COG4: variants seen among roughly 807,000 people sequenced by gnomAD.
COG4 encodes conserved oligomeric Golgi complex subunit 4.
Under a neutral mutation model 95.1 loss-of-function variants are expected in COG4, and 65 were observed. The observed-to-expected ratio is 0.68, with a 90% confidence interval of 0.56 to 0.84. The LOEUF (loss-of-function observed/expected upper bound fraction) is 0.84. COG4 is among the 40% of genes least tolerant of loss of function. The pLI is 0.00. For missense variants in COG4, 1,045 were observed against 989.1 expected (o/e 1.06, Z -0.76); for synonymous variants, 421 against 374.8 (o/e 1.12, Z -1.42).
At chr16:70,501,887 G>T (rs1260968935) in intron 8 of COG4, among the ~76,000 whole-genome samples, 1 of 151,306 alleles carries the variant, frequency 6.6e-6, no homozygotes, top group Non-Finnish European at 1.5e-5. Context: ...GGCTAGGCCA[G>T]TCTCGAACTC....
intron 8 of COG4, among the ~76,000 whole-genome samples, chr16:70,505,122 A>G (rs1026888772): frequency 2.6e-5 from 4 of 151,808 alleles, no homozygotes; most frequent in African/African-American, 9.7e-5. Flanking sequence ...TTGTTGCCAT[A>G]TCAAGGACTA....
In COG4 at chr16:70,490,367, CAG is replaced by C. The variant is rs781465536; in HGVS notation, c.1671_1672del (p.Cys558GlnfsTer2). On this transcript the variant is annotated frameshift_variant, in exon 13 of 19. Coordinates refer to ENST00000323786, the MANE Select transcript of COG4 (RefSeq NM_015386.3). LOFTEE classifies it high-confidence loss of function. ...CTTCAGAGTGGAGATGTTTTCACTG[CAG>C]ACTTCCACGTTGTTCAGAGTCACCT... 1 of 1,613,888 alleles carries C rather than the reference CAG, an allele frequency of 6.2e-7. No individual in the cohort carries two copies. The highest frequency in any genetic ancestry group is 1.1e-5 in the South Asian group (1 of 91,084).
In COG4 at chr16:70,512,231, G is replaced by C. The variant is rs763315870; in HGVS notation, c.738+8C>G. On this transcript the variant is annotated splice_region_variant and intron_variant, in intron 5 of 18. Transcript: ENST00000323786. ...ACAATTATCCTGCCAAGCAATCAGGGTCCATACCTGCTTGCAAAGGTACTC... is the reference window on the plus strand; with the variant it reads ...ACAATTATCCTGCCAAGCAATCAGGCTCCATACCTGCTTGCAAAGGTACTC... The C allele has an allele frequency of 6.2e-7, 1 of 1,612,862 alleles. No homozygotes were observed. The highest frequency in any genetic ancestry group is 8.5e-7 in the Non-Finnish European group (1 of 1,178,884).
chr16:70,504,882 G>C (rs1282603479), intron 8 of COG4, among the ~76,000 whole-genome samples: 1 of 146,436 alleles, frequency 6.8e-6, no homozygotes, highest in Non-Finnish European at 1.5e-5. Context: ...CTGTACTCTA[G>C]CTTGGGTGAC....
At chr16:70,489,645 A>G (rs8045651) in intron 13 of COG4, among the ~76,000 whole-genome samples, 85,890 of 150,094 alleles carry the variant, frequency 0.57, 27,518 homozygotes, top group African/African-American at 0.88. Flanking sequence ...CCAAAATGTT[A>G]AGCTTACAGG....
intron 18 of COG4, 68 bp from the exon 19 acceptor site, chr16:70,481,212 C>T (rs2048984327): frequency 6.2e-7 from 1 of 1,606,256 alleles, no homozygotes; most frequent in Non-Finnish European, 8.5e-7. Context: ...CTGGCCTCTA[C>T]CAGGGGCAGA....
intron 12 of COG4, 146 bp downstream of exon 12, chr16:70,496,120 G>T: frequency 1.2e-6 from 1 of 852,136 alleles, no homozygotes; most frequent in Non-Finnish European, 1.9e-6. Context: ...CTTCTGGGAG[G>T]AAATTCCCTT....
At chr16:70,518,430 C>T (rs139945049) in intron 2 of COG4, among the ~76,000 whole-genome samples, 100 of 152,266 alleles carry the variant, frequency 6.6e-4, no homozygotes, top group African/African-American at 2.3e-3. Flanking sequence ...ACGATCATAG[C>T]TCACTGCAGT....
intron 11 of COG4, among the ~76,000 whole-genome samples, chr16:70,496,830 GCA>G (rs769543043): frequency 5.9e-5 from 9 of 152,278 alleles, no homozygotes; most frequent in Non-Finnish European, 8.8e-5. Context: ...TCTCCCTAAA[GCA>G]CAGTTTCTTC....
Position 70,507,971 on chromosome 16 carries a change from A to T in COG4, c.1061+435T>A, listed in dbSNP as rs564296950. Among the ~76,000 whole-genome samples the T allele has an allele frequency of 1.6e-3, 244 of 151,720 alleles. 1 individual carries two copies. The highest frequency in any genetic ancestry group is 5.6e-3 in the African/African-American group (233 of 41,400). On this transcript the variant is annotated intron_variant, in intron 8 of 18. Transcript: ENST00000323786. The stretch of plus-strand genomic sequence containing the variant: ...AGTCTCGCTCTGTAACCCAGGCTGG[A>T]GTGCAGTGGTGCAATCTTGGCTCAC...
rs139280428 is a variant in COG4 at position 70,517,190 on chromosome 16, C to T, written c.369+436G>A. ...ATGGGATTGTAGGTGTTAGTCACCA[C>T]GCAAAGCCCCATAGACATTTTGATG... On this transcript the variant is annotated intron_variant, in intron 3 of 18. Coordinates refer to ENST00000323786, the MANE Select transcript of COG4 (RefSeq NM_015386.3). 3.4e-3 allele frequency among the ~76,000 whole-genome samples: 512 copies of T among 152,104 alleles called. 11 individuals carry two copies. Among genetic ancestry groups the T allele is most frequent in the Admixed American group, 0.028 (432 of 15,248 alleles).
intron 8 of COG4, among the ~76,000 whole-genome samples, chr16:70,504,143 A>T (rs1051012503): frequency 7.2e-5 from 11 of 152,116 alleles, no homozygotes; most frequent in Non-Finnish European, 1.5e-4. Context: ...CTTCCTCTGG[A>T]AAGTGTTTAT....
intron 13 of COG4, among the ~76,000 whole-genome samples, chr16:70,489,818 C>A (rs2049208580): frequency 6.6e-6 from 1 of 151,960 alleles, no homozygotes; most frequent in South Asian, 2.1e-4. Flanking sequence ...GCTGGAAGAT[C>A]TAATTTGTGT....
intron 10 of COG4, among the ~76,000 whole-genome samples, chr16:70,497,658 A>T (rs1245541704): frequency 1.3e-5 from 2 of 152,110 alleles, no homozygotes; most frequent in Non-Finnish European, 2.9e-5. Context: ...GAGGCTCCTT[A>T]CCCACAAACC....
At chr16:70,522,996 A>G (rs2049984016) in intron 1 of COG4, 1 of 272,660 alleles carries the variant, frequency 3.7e-6, no homozygotes, top group South Asian at 4.0e-5. Flanking sequence ...TAACAGGATG[A>G]GAGCGTTTCA....
chr16:70,514,583 C>G (rs895463202), intron 3 of COG4, 74 bp from the exon 4 acceptor site: 8 of 1,323,360 alleles, frequency 6.0e-6, no homozygotes, highest in Middle Eastern at 2.5e-4. Flanking sequence ...TAGGGAGATT[C>G]AGGAGCTGAA....
At position 70,519,411 on chromosome 16, in the gene COG4, G is replaced by A. The variant is rs2049889057; in HGVS notation, c.254+238C>T. Among the ~76,000 whole-genome samples the A allele has an allele frequency of 2.0e-4, 7 of 34,854 alleles. 2 individuals carry two copies. The highest frequency in any genetic ancestry group is 1.9e-3 in the Admixed American group (7 of 3,644). The allele number at this position is 34,854 out of a possible 152,430, so 22.9% of individuals were successfully genotyped here. ...CAAAGTGCTGGGATTACAGGCGTGAGCCACCGCGCCCGGCCAGGATTTGCA... is the reference window on the plus strand; with the variant it reads ...CAAAGTGCTGGGATTACAGGCGTGAACCACCGCGCCCGGCCAGGATTTGCA... On this transcript the variant is annotated intron_variant, in intron 2 of 18. Coordinates refer to ENST00000323786, the MANE Select transcript of COG4 (RefSeq NM_015386.3).
At chr16:70,506,019 G>C (rs1420915722) in intron 8 of COG4, among the ~76,000 whole-genome samples, 2 of 151,842 alleles carry the variant, frequency 1.3e-5, no homozygotes, top group Non-Finnish European at 2.9e-5. Context: ...GGTGGCTCAT[G>C]CCTGTAATTC....
chr16:70,515,552 C>T (rs1196059199), intron 3 of COG4, among the ~76,000 whole-genome samples: 3 of 152,164 alleles, frequency 2.0e-5, no homozygotes, highest in Admixed American at 1.3e-4. Flanking sequence ...GGCCTGGTGG[C>T]GCATGCCTGT....
Sources: gnomAD v4.1 joint callset for allele counts (sites outside exome capture counted in the v4.1 genomes callset) on GRCh38, gnomAD v4.1.1 for gene constraint, MANE v1.5 for transcripts, NCBI Gene and HGNC (gene_info 2026-07-23, HGNC 2026-07-21) for gene names.